Variants in IFITM10 observed in about 807,000 individuals in gnomAD.
IFITM10 encodes the protein interferon-induced transmembrane protein 10.
In IFITM10, 17 loss-of-function variants were observed where a neutral mutation model predicts 19.0. The ratio of observed to expected loss-of-function variants is 0.90; its 90% CI spans 0.61 to 1.34. The LOEUF (loss-of-function observed/expected upper bound fraction) is 1.34, where lower values mean the gene tolerates loss of function less well. IFITM10 is among the 40% of genes most tolerant of loss of function. The pLI is 0.00. For synonymous variants in IFITM10, 148 were observed against 147.2 expected, an observed-to-expected ratio of 1.01 and a Z score of -0.04; for missense variants, 306 against 319.8, an observed-to-expected ratio of 0.96 and a Z score of 0.33.
chr11:1,750,574 G>T lies in IFITM10; in HGVS notation c.-132C>A. The T allele has an allele frequency of 8.5e-7, 1 of 1,174,352 alleles. No individual in the cohort carries two copies. The highest frequency in any genetic ancestry group is 1.2e-6 in the Non-Finnish European group (1 of 832,692). The allele number at this position is 1,174,352 out of a possible 1,614,324, so 72.7% of individuals were successfully genotyped here. ...CTTGGGGTCCTGTCTGCCTGCCTGTGCCTGACTCTGAACCCTTTCTCTCCC... is the reference window on the plus strand; with the variant it reads ...CTTGGGGTCCTGTCTGCCTGCCTGTTCCTGACTCTGAACCCTTTCTCTCCC... On this transcript the variant is annotated 5_prime_UTR_variant, in exon 1 of 3. Transcript: ENST00000340134.
chr11:1,747,759 CGGTGGTGTCCG>C lies in IFITM10; in HGVS notation c.434_444del (p.Pro145ArgfsTer40). Reference sequence around the variant, plus strand: ...GACCACAGGTAATAGTCGTTCACCTCGGTGGTGTCCGGGTAGACCTCGATGACGGTCGTGGG... The same window carrying C: ...GACCACAGGTAATAGTCGTTCACCTCGGTAGACCTCGATGACGGTCGTGGG... On this transcript the variant is annotated frameshift_variant, in exon 2 of 3. Coordinates refer to ENST00000340134, the MANE Select transcript of IFITM10 (RefSeq NM_001170820.4). LOFTEE classifies it high-confidence loss of function. 6.4e-7 allele frequency: 1 copy of C among 1,551,854 alleles called. No homozygotes were observed. Among genetic ancestry groups the C allele is most frequent in the Non-Finnish European group, 8.7e-7 (1 of 1,146,964 alleles).
chr11:1,747,897 G>A lies in IFITM10; in HGVS notation c.307C>T (p.Leu103=). The A allele has an allele frequency of 6.6e-7, 1 of 1,512,474 alleles. No homozygotes were observed. The highest frequency in any genetic ancestry group is 8.9e-7 in the Non-Finnish European group (1 of 1,125,826). The allele number at this position is 1,512,474 out of a possible 1,614,324, so 93.7% of individuals were successfully genotyped here. A position where few individuals can be genotyped will look rare whatever the true frequency, so the allele number is the denominator to read the frequency against. Reference sequence around the variant, plus strand: ...CTGCTCTTGGACTCCATGGGGAACAGTGTGGGCGCCATCGGGGGAGAGGCC... The same window carrying A: ...CTGCTCTTGGACTCCATGGGGAACAATGTGGGCGCCATCGGGGGAGAGGCC... ...PSASPPMAPT[L]FPMESKSSKT... is the part of the protein sequence containing the mutation. Residue 103 remains leucine (L), a synonymous_variant, in exon 2 of 3, where the codon CTG becomes TTG. Coordinates refer to ENST00000340134, the MANE Select transcript of IFITM10 (RefSeq NM_001170820.4).
chr11:1,748,978 C>T (rs1845685965), intron 1 of IFITM10: 1 of 958,424 alleles, frequency 1.0e-6, no homozygotes. Context: ...CAGCCCCATC[C>T]GGGTCTGCCG....
At chr11:1,740,299 CAAAAA>C (rs58480346) in intron 2 of IFITM10, among the ~76,000 whole-genome samples, 1 of 41,030 alleles carries the variant, frequency 2.4e-5, no homozygotes, top group Non-Finnish European at 4.6e-5. Flanking sequence ...GACTCCATCT[CAAAAA>C]AAAAAAAAAA....
chr11:1,746,427 C>T (rs796353165), intron 2 of IFITM10: 11 of 397,694 alleles, frequency 2.8e-5, no homozygotes, highest in African/African-American at 2.3e-4. Context: ...ACTCACAGTA[C>T]ATGCCCACTT....
intron 2 of IFITM10, among the ~76,000 whole-genome samples, chr11:1,739,892 G>A (rs1185465973): frequency 6.6e-6 from 1 of 152,216 alleles, no homozygotes; most frequent in Non-Finnish European, 1.5e-5. Flanking sequence ...TACGGTCAGA[G>A]GAGACCATCC....
At position 1,735,277 on chromosome 11, in the gene IFITM10, G is replaced by A. The variant is rs1206276390; in HGVS notation, c.*3C>T. The A allele has an allele frequency of 5.2e-6, 8 of 1,551,520 alleles. No individual in the cohort carries two copies. The highest frequency in any genetic ancestry group is 7.0e-6 in the Non-Finnish European group (8 of 1,146,936). ...CTCCGCCAGCAGCCGTGCCTGGCGG[G>A]CCTTAGTAGTCGGTGAGGGGGTACC... On this transcript the variant is annotated 3_prime_UTR_variant, in exon 3 of 3. Transcript: ENST00000340134.
intron 2 of IFITM10, among the ~76,000 whole-genome samples, chr11:1,739,009 GTGCCAC>G (rs1565011689): frequency 7.2e-6 from 1 of 139,390 alleles, no homozygotes; most frequent in African/African-American, 2.7e-5. Context: ...AGCTGAGATC[GTGCCAC>G]TGCACTCCAG....
intron 2 of IFITM10, chr11:1,746,339 C>T (rs946326839): frequency 1.0e-5 from 4 of 386,928 alleles, no homozygotes; most frequent in African/African-American, 2.1e-5. Context: ...CACAGTCATA[C>T]ACATGCACAC....
chr11:1,747,759 C>T lies in IFITM10; in HGVS notation c.445G>A (p.Glu149Lys). 6.4e-7 allele frequency: 1 copy of T among 1,551,854 alleles called. No homozygotes were observed. Among genetic ancestry groups the T allele is most frequent in the South Asian group, 1.2e-5 (1 of 84,062 alleles). ...GACCACAGGTAATAGTCGTTCACCT[C>T]GGTGGTGTCCGGGTAGACCTCGATG... is the stretch of plus-strand genomic sequence containing the variant. Reference protein sequence around the residue: ...TVIEVYPDTTEVNDYYLWSIF... With the variant: ...TVIEVYPDTTKVNDYYLWSIF... The change falls in exon 2 of 3, where the codon GAG becomes AAG. Residue 149 changes from glutamate (E) to lysine (K), a missense_variant. Physicochemically the swap from Glu to Lys is moderately conservative, Grantham distance 56. Coordinates refer to ENST00000340134, the MANE Select transcript of IFITM10 (RefSeq NM_001170820.4).
Position 1,747,720 on chromosome 11 carries a change from C to T in IFITM10, c.484G>A (p.Val162Ile). 1.9e-6 allele frequency: 3 copies of T among 1,551,800 alleles called. No homozygotes were observed. Among genetic ancestry groups the T allele is most frequent in the South Asian group, 1.2e-5 (1 of 84,062 alleles). The change falls in exon 2 of 3, where the codon GTC becomes ATC. Residue 162 changes from valine to isoleucine, a missense_variant. Coordinates refer to ENST00000340134, the MANE Select transcript of IFITM10 (RefSeq NM_001170820.4). ...DYYLWSIFNF[V>I]YLNFCCLGFI... Reference sequence around the variant, plus strand: ...CCCAGGCAGCAGAAGTTGAGGTAGACGAAGTTGAAGATGGACCACAGGTAA... The same window carrying T: ...CCCAGGCAGCAGAAGTTGAGGTAGATGAAGTTGAAGATGGACCACAGGTAA...
chr11:1,746,300 A>C, intron 2 of IFITM10: 1 of 350,978 alleles, frequency 2.8e-6, no homozygotes, highest in East Asian at 4.2e-5. Context: ...ATTCACATGT[A>C]CACACATGCA....
At chr11:1,743,140 G>A (rs1296313146) in intron 2 of IFITM10, among the ~76,000 whole-genome samples, 2 of 149,204 alleles carry the variant, frequency 1.3e-5, no homozygotes, top group East Asian at 4.1e-4. Flanking sequence ...GGATGGATAT[G>A]GATGGATGGA....
At position 1,735,096 on chromosome 11, in the gene IFITM10, C is replaced by T. The variant is rs1851071174; in HGVS notation, c.*184G>A. The T allele has an allele frequency of 1.6e-6, 1 of 617,146 alleles. No homozygotes were observed. Among genetic ancestry groups the T allele is most frequent in the Non-Finnish European group, 2.8e-6 (1 of 359,092 alleles). 38.2% of individuals were successfully genotyped at this position (617,146 alleles called of 1,614,324 possible). On this transcript the variant is annotated 3_prime_UTR_variant, in exon 3 of 3. Coordinates refer to ENST00000340134, the MANE Select transcript of IFITM10 (RefSeq NM_001170820.4). Reference sequence around the variant, plus strand: ...GAGGCGGAGGGGGTGGACTGAGGGCCAAGCTCACTGCCCCCTTGCTGTACT... The same window carrying T: ...GAGGCGGAGGGGGTGGACTGAGGGCTAAGCTCACTGCCCCCTTGCTGTACT...
Position 1,732,540 on chromosome 11 carries a change from CAA to C in IFITM10, c.*2738_*2739del, listed in dbSNP as rs543308491. The C allele has an allele frequency of 3.3e-5, 5 of 152,506 alleles. No homozygotes were observed. Among genetic ancestry groups the C allele is most frequent in the Admixed American group, 1.3e-4 (2 of 15,312 alleles). The allele number at this position is 152,506 out of a possible 1,614,324, so 9.4% of individuals were successfully genotyped here. A position where few individuals can be genotyped will look rare whatever the true frequency, so the allele number is the denominator to read the frequency against. On this transcript the variant is annotated 3_prime_UTR_variant, in exon 3 of 3. Transcript: ENST00000340134. ...CAGGTCAGGCATGAGTACAGACAGG[CAA>C]AGACACAGACTTCGAAGCCAGAGAC...
At chr11:1,742,575 T>G (rs1328222691) in intron 2 of IFITM10, among the ~76,000 whole-genome samples, 1 of 152,012 alleles carries the variant, frequency 6.6e-6, no homozygotes, top group Non-Finnish European at 1.5e-5. Flanking sequence ...GTGGATGTCT[T>G]GAAGGGTGAA....
chr11:1,750,331 T>A (rs1237110856), intron 1 of IFITM10, 28 bp downstream of exon 1: 1 of 1,549,514 alleles, frequency 6.5e-7, no homozygotes, highest in Admixed American at 2.0e-5. Context: ...ACCACGCAGG[T>A]TCCCTGAGCT....
chr11:1,749,067 G>A (rs1295809249), intron 1 of IFITM10: 3 of 1,143,010 alleles, frequency 2.6e-6, no homozygotes, highest in African/African-American at 1.7e-5. Context: ...CGGTGCGCGC[G>A]TCCTTCCGCC....
At position 1,735,164 on chromosome 11, in the gene IFITM10, G is replaced by A; in HGVS notation, c.*116C>T. On this transcript the variant is annotated 3_prime_UTR_variant, in exon 3 of 3. Transcript: ENST00000340134. ...GCTGCCCAGTTCACAGCTCAAGGGG[G>A]CCCCAGGACAAGAAGCCCTGCCCTG... is the stretch of plus-strand genomic sequence containing the variant. The A allele has an allele frequency of 8.6e-7, 1 of 1,164,170 alleles. No homozygotes were observed. The highest frequency in any genetic ancestry group is 1.2e-6 in the Non-Finnish European group (1 of 833,568). 72.1% of individuals were successfully genotyped at this position (1,164,170 alleles called of 1,614,324 possible).
Sources: allele counts gnomAD v4.1 joint callset (sites outside exome capture counted in the v4.1 genomes callset), GRCh38; gene constraint gnomAD v4.1.1; transcripts MANE v1.5; gene names NCBI Gene and HGNC (gene_info 2026-07-23, HGNC 2026-07-21).